SPECC1: variants seen among roughly 807,000 people sequenced by gnomAD.
SPECC1 encodes the protein cytospin-B.
Under a neutral mutation model 104.1 loss-of-function variants are expected in SPECC1, and 62 were observed. That is an observed-to-expected ratio of 0.60 (90% CI 0.49 to 0.74). SPECC1 has a LOEUF of 0.74. Ranked by LOEUF, SPECC1 falls within the 30% of genes least tolerant of loss-of-function variation. SPECC1 has a pLI of 0.00. For missense variants in SPECC1, 1,306 were observed against 1,310.5 expected (o/e 1.00, Z 0.05); for synonymous variants, 513 against 501.6 (o/e 1.02, Z -0.30).
rs61392075 is a variant in SPECC1, at chr17:20,194,508, T to A, written c.284-9825T>A. ...CTGTTAGAAAAGAGAACGAATTTTT[T>A]TTTTTTTTTTTTTTTTTGAGACAGA... is the stretch of plus-strand genomic sequence containing the variant. On this transcript the variant is annotated intron_variant, in intron 3 of 14. Coordinates refer to ENST00000395527, the MANE Select transcript of SPECC1 (RefSeq NM_001243439.2). 6.5e-4 allele frequency among the ~76,000 whole-genome samples: 77 copies of A among 118,302 alleles called. 7 individuals carry two copies. In the South Asian group the frequency reaches 0.013, roughly 21 times the overall value. 77.6% of individuals were successfully genotyped at this position (118,302 alleles called of 152,430 possible).
At chr17:20,308,389 CA>C (rs3072413) in intron 14 of SPECC1, among the ~76,000 whole-genome samples, 63 of 66,608 alleles carry the variant, frequency 9.5e-4, no homozygotes, top group Middle Eastern at 0.01. Context: ...AACTCCATCT[CA>C]AAAAAAAAAA....
intron 13 of SPECC1, among the ~76,000 whole-genome samples, chr17:20,298,948 A>AGAGAGAGAGAGAGAGGGTGTGT: frequency 2.0e-5 from 1 of 49,072 alleles, no homozygotes; most frequent in African/African-American, 9.3e-5. Flanking sequence ...AGAGAGAGAG[A>AGAGAGAGAGAGAGAGGGTGTGT]GTGTGTGTGT....
chr17:20,082,008 C>T (rs2046993947), intron 1 of SPECC1, among the ~76,000 whole-genome samples: 1 of 152,218 alleles, frequency 6.6e-6, no homozygotes, highest in Admixed American at 6.5e-5. Flanking sequence ...CCAGTCAAGA[C>T]AGGGAAAAGG....
Position 20,096,703 on chromosome 17 carries a change from G to C in SPECC1, c.52G>C (p.Gly18Arg). The change falls in exon 2 of 15, where the codon GGC becomes CGC. Residue 18 changes from glycine (G) to arginine (R), a missense_variant. By Grantham distance (125) the Gly-to-Arg change is moderately radical. Coordinates refer to ENST00000395527, the MANE Select transcript of SPECC1 (RefSeq NM_001243439.2). ...CCCAGCCATCAGAGCAGGGGGCCACGGCCCAGACCGGGTGCGGCCTCTGCC... is the reference window on the plus strand; with the variant it reads ...CCCAGCCATCAGAGCAGGGGGCCACCGCCCAGACCGGGTGCGGCCTCTGCC... The part of the protein sequence containing the change: ...WNPAIRAGGH[G>R]PDRVRPLPAA... 3 of 1,614,218 alleles carry C rather than the reference G, an allele frequency of 1.9e-6. No homozygotes were observed. The South Asian group carries it at 3.3e-5, about 18-fold the overall frequency.
intron 7 of SPECC1, among the ~76,000 whole-genome samples, chr17:20,240,890 C>T (rs1029590158): frequency 1.2e-4 from 19 of 152,194 alleles, no homozygotes; most frequent in Non-Finnish European, 2.6e-4. Flanking sequence ...AATTTACAAA[C>T]GCCAGTCCTC....
chr17:20,031,352 T>C (rs1018853463), intron 1 of SPECC1, among the ~76,000 whole-genome samples: 1 of 152,084 alleles, frequency 6.6e-6, no homozygotes, highest in African/African-American at 2.4e-5. Flanking sequence ...GGAGTTTTGC[T>C]CTTATTGCCC....
Position 20,110,438 on chromosome 17 carries a change from C to T in SPECC1, c.159C>T (p.Ala53=). The change falls in exon 3 of 15, where the codon GCC becomes GCT. Residue 53 remains alanine, a synonymous_variant. Transcript: ENST00000395527. ...FESRLSRLKR[A]SSEDTLNKPG... The stretch of plus-strand genomic sequence containing the variant: ...TCCAACTCTCTCAGCTCAAGAGGGC[C>T]AGCAGTGAGGACACGCTCAACAAGC... 1 of 1,613,116 alleles carries T rather than the reference C, an allele frequency of 6.2e-7. No homozygotes were observed. The highest frequency in any genetic ancestry group is 8.5e-7 in the Non-Finnish European group (1 of 1,179,458).
At chr17:20,121,210 C>G (rs1421428455) in intron 3 of SPECC1, among the ~76,000 whole-genome samples, 1 of 152,152 alleles carries the variant, frequency 6.6e-6, no homozygotes, top group Non-Finnish European at 1.5e-5. Flanking sequence ...TTATCTAGAC[C>G]AGGAACCTTG....
At chr17:20,173,585 A>G (rs1479984299) in intron 3 of SPECC1, among the ~76,000 whole-genome samples, 1 of 152,210 alleles carries the variant, frequency 6.6e-6, no homozygotes, top group Non-Finnish European at 1.5e-5. Context: ...TGGCGAAGTA[A>G]TGATGGCAAC....
At chr17:20,031,314 A>AT (rs1156919135) in intron 1 of SPECC1, among the ~76,000 whole-genome samples, 3 of 151,322 alleles carry the variant, frequency 2.0e-5, no homozygotes, top group Non-Finnish European at 4.4e-5. Context: ...TCATTTTTAA[A>AT]TTTTTTTTAT....
At chr17:20,301,952 C>T (rs868566202) in intron 13 of SPECC1, among the ~76,000 whole-genome samples, 12 of 152,134 alleles carry the variant, frequency 7.9e-5, no homozygotes, top group East Asian at 1.9e-4. Context: ...GTGATCCACC[C>T]GCTTGGGCCT....
rs114948277 is a variant in SPECC1 at position 20,092,836 on chromosome 17, T to C, written c.-21-3795T>C. Reference sequence around the variant, plus strand: ...TGTAGAGAATCATGTTCAGAAAGCATGGCTGAGTTCACAATGTCAACAGTG... The same window carrying C: ...TGTAGAGAATCATGTTCAGAAAGCACGGCTGAGTTCACAATGTCAACAGTG... On this transcript the variant is annotated intron_variant, in intron 1 of 14. Transcript: ENST00000395527. Among the ~76,000 whole-genome samples, 661 of 152,336 alleles carry C rather than the reference T, an allele frequency of 4.3e-3. 7 individuals carry two copies. The highest frequency in any genetic ancestry group is 0.015 in the African/African-American group (635 of 41,584).
At chr17:20,151,229 A>G (rs897673820) in intron 3 of SPECC1, among the ~76,000 whole-genome samples, 18 of 152,254 alleles carry the variant, frequency 1.2e-4, no homozygotes, top group South Asian at 2.1e-4. Flanking sequence ...CTGTACTTCA[A>G]ATTTTGAATT....
At chr17:20,303,635 A>G (rs1166236917) in intron 13 of SPECC1, among the ~76,000 whole-genome samples, 1 of 152,216 alleles carries the variant, frequency 6.6e-6, no homozygotes, top group Non-Finnish European at 1.5e-5. Flanking sequence ...ATACATAATT[A>G]TGTATAAAAT....
chr17:20,288,566 TAA>T (rs2041040806), intron 12 of SPECC1, among the ~76,000 whole-genome samples: 1 of 152,178 alleles, frequency 6.6e-6, no homozygotes, highest in South Asian at 2.1e-4. Context: ...TGGCGATTAT[TAA>T]AAAGTCAAGA....
chr17:20,110,325 G>T, intron 2 of SPECC1, 102 bp from the exon 3 acceptor site: 1 of 1,381,570 alleles, frequency 7.2e-7, no homozygotes, highest in South Asian at 1.4e-5. Flanking sequence ...ATTGTATCTT[G>T]ACTGCTGGGC....
At chr17:20,082,509 G>T (rs1021163163) in intron 1 of SPECC1, among the ~76,000 whole-genome samples, 1 of 152,038 alleles carries the variant, frequency 6.6e-6, no homozygotes, top group African/African-American at 2.4e-5. Flanking sequence ...AGGTGGGAGG[G>T]TTGCTTGAGT....
At position 20,253,605 on chromosome 17, in the gene SPECC1, A is replaced by G; in HGVS notation, c.2680+19A>G. On this transcript the variant is annotated intron_variant, in intron 10 of 14. Transcript: ENST00000395527. The stretch of plus-strand genomic sequence containing the variant: ...CTCTCAGGTAAATTATGTCAACATA[A>G]AGAACTTTTGACTTATCTTTCCGTG... The G allele has an allele frequency of 6.2e-7, 1 of 1,612,018 alleles. No individual in the cohort carries two copies. Among genetic ancestry groups the G allele is most frequent in the South Asian group, 1.1e-5 (1 of 90,880 alleles).
intron 13 of SPECC1, 146 bp downstream of exon 13, chr17:20,297,223 T>C: frequency 1.6e-6 from 1 of 624,332 alleles, no homozygotes; most frequent in Non-Finnish European, 2.8e-6. Flanking sequence ...AATGTTTGAC[T>C]GCACCGTGGA....
Sources: allele counts gnomAD v4.1 joint callset (sites outside exome capture counted in the v4.1 genomes callset), GRCh38; gene constraint gnomAD v4.1.1; transcripts MANE v1.5; gene names NCBI Gene and HGNC (gene_info 2026-07-23, HGNC 2026-07-21).